USP15: variants seen among roughly 807,000 people sequenced by gnomAD.
USP15 encodes the protein ubiquitin specific peptidase 15, also known as ubiquitin carboxyl-terminal hydrolase 15.
In USP15, 18 loss-of-function variants were observed where a neutral mutation model predicts 127.1. The ratio of observed to expected loss-of-function variants is 0.14; its 90% CI spans 0.10 to 0.21. The LOEUF is 0.21. Among genes scored for constraint, USP15 ranks in the 10% least tolerant of loss-of-function variants. The probability of loss-of-function intolerance (pLI) is 1.00; values close to 1 mark genes in which losing one functional copy is unlikely to be tolerated. For missense variants in USP15, 805 were observed against 1,159.9 expected (o/e 0.69, Z 4.44); for synonymous variants, 364 against 393.7 (o/e 0.92, Z 0.89).
intron 20 of USP15, 77 bp downstream of exon 20, chr12:62,396,475 T>G: frequency 8.4e-7 from 1 of 1,190,430 alleles, no homozygotes; most frequent in Non-Finnish European, 1.2e-6. Flanking sequence ...AGATATTTAT[T>G]ACTTCTTAAG....
At chr12:62,403,751 C>T (rs530024088) in intron 21 of USP15, among the ~76,000 whole-genome samples, 1 of 152,054 alleles carries the variant, frequency 6.6e-6, no homozygotes, top group African/African-American at 2.4e-5. Context: ...ATTGAAGATA[C>T]ACAGTGATGA....
In USP15 at chr12:62,314,494, A is replaced by T. The variant is rs541493739; in HGVS notation, c.349-296A>T. On this transcript the variant is annotated intron_variant, in intron 3 of 21. Coordinates refer to ENST00000280377, the MANE Select transcript of USP15 (RefSeq NM_001252078.2). ...TCATTATAAATACTGAATATTAATTATTTATGGTGTACTAGTGTATCTTCA... is the reference window on the plus strand; with the variant it reads ...TCATTATAAATACTGAATATTAATTTTTTATGGTGTACTAGTGTATCTTCA... Among the ~76,000 whole-genome samples the T allele has an allele frequency of 2.0e-5, 3 of 152,038 alleles. No individual in the cohort carries two copies. In the East Asian group the frequency reaches 5.8e-4, roughly 29 times the overall value.
At chr12:62,280,117 G>C (rs1018793036) in intron 1 of USP15, among the ~76,000 whole-genome samples, 10 of 152,140 alleles carry the variant, frequency 6.6e-5, no homozygotes, top group Admixed American at 3.3e-4. Context: ...TGGCTCAAGA[G>C]TAAAACTCAA....
At chr12:62,396,674 CT>C (rs2067500981) in intron 20 of USP15, among the ~76,000 whole-genome samples, 1 of 152,004 alleles carries the variant, frequency 6.6e-6, no homozygotes, top group South Asian at 2.1e-4. Context: ...TTCCCCTTTG[CT>C]TTCTAACATG....
intron 1 of USP15, among the ~76,000 whole-genome samples, chr12:62,276,972 A>G (rs1056263093): frequency 1.3e-5 from 2 of 152,126 alleles, no homozygotes; most frequent in Admixed American, 1.3e-4. Flanking sequence ...TAAAATTTCC[A>G]TTGTTGACTG....
At chr12:62,391,730 T>G (rs2067330728) in intron 16 of USP15, 86 bp from the exon 17 acceptor site, 2 of 1,184,834 alleles carry the variant, frequency 1.7e-6, no homozygotes, top group South Asian at 3.3e-5. Flanking sequence ...GCTGTTTGTT[T>G]ATTCTGGTGT....
intron 11 of USP15, among the ~76,000 whole-genome samples, chr12:62,388,177 T>C (rs915307782): frequency 6.9e-6 from 1 of 144,484 alleles, no homozygotes; most frequent in Non-Finnish European, 1.5e-5. Flanking sequence ...GTCACCCAAG[T>C]TGGAGTACAT....
intron 7 of USP15, among the ~76,000 whole-genome samples, chr12:62,350,020 AT>A (rs776010074): frequency 2.7e-5 from 4 of 150,362 alleles, no homozygotes; most frequent in African/African-American, 7.3e-5. Flanking sequence ...TTATCCTTTT[AT>A]TTTTTTTTGA....
intron 1 of USP15, among the ~76,000 whole-genome samples, chr12:62,274,993 AG>A (rs1368407867): frequency 1.3e-5 from 2 of 152,124 alleles, no homozygotes; most frequent in Non-Finnish European, 2.9e-5. Context: ...TACTTTTCTG[AG>A]GATGAAGAGG....
intron 1 of USP15, among the ~76,000 whole-genome samples, chr12:62,291,630 A>G (rs2063971501): frequency 6.6e-6 from 1 of 152,172 alleles, no homozygotes; most frequent in Non-Finnish European, 1.5e-5. Context: ...ATCTGGAAAA[A>G]CACATTTCTC....
chr12:62,358,398 A>G (rs2066205345), intron 8 of USP15, among the ~76,000 whole-genome samples: 1 of 152,166 alleles, frequency 6.6e-6, no homozygotes, highest in South Asian at 2.1e-4. Flanking sequence ...TGGTACTGCC[A>G]TATAGCACAG....
chr12:62,283,208 A>G (rs1029737293), intron 1 of USP15, among the ~76,000 whole-genome samples: 1 of 152,226 alleles, frequency 6.6e-6, no homozygotes, highest in Admixed American at 6.5e-5. Flanking sequence ...AGTAAAAGCT[A>G]TTCCAGGTTT....
At chr12:62,297,084 G>A (rs1217320173) in intron 2 of USP15, among the ~76,000 whole-genome samples, 1 of 152,146 alleles carries the variant, frequency 6.6e-6, no homozygotes, top group Non-Finnish European at 1.5e-5. Context: ...GAGAGGAGTG[G>A]GGGCATCCTG....
chr12:62,289,332 G>A (rs2063882329), intron 1 of USP15, among the ~76,000 whole-genome samples: 1 of 151,982 alleles, frequency 6.6e-6, no homozygotes, highest in African/African-American at 2.4e-5. Context: ...GTACAATCTT[G>A]GGAGGTTGTA....
At chr12:62,296,503 A>T (rs969493115) in intron 2 of USP15, among the ~76,000 whole-genome samples, 1 of 152,202 alleles carries the variant, frequency 6.6e-6, no homozygotes, top group South Asian at 2.1e-4. Flanking sequence ...ATGGGATGGG[A>T]TAGTTCATCA....
At chr12:62,295,761 CACTT>C (rs2064112014) in intron 2 of USP15, among the ~76,000 whole-genome samples, 1 of 152,190 alleles carries the variant, frequency 6.6e-6, no homozygotes, top group African/African-American at 2.4e-5. Context: ...ACAAGAAACT[CACTT>C]TAAATGCAAG....
chr12:62,384,028 G>A (rs201968437), intron 10 of USP15, 30 bp downstream of exon 10: 1 of 1,610,202 alleles, frequency 6.2e-7, no homozygotes, highest in African/African-American at 1.3e-5. Flanking sequence ...TGTCACCATT[G>A]TTATAATTTT....
intron 18 of USP15, 47 bp downstream of exon 18, chr12:62,392,434 A>G (rs2067353987): frequency 7.4e-7 from 1 of 1,354,224 alleles, no homozygotes; most frequent in Non-Finnish European, 1.0e-6. Flanking sequence ...TTAAGGATTT[A>G]TTCTGAGATA....
intron 1 of USP15, among the ~76,000 whole-genome samples, chr12:62,273,599 G>C (rs1457329506): frequency 6.6e-6 from 1 of 152,022 alleles, no homozygotes; most frequent in African/African-American, 2.4e-5. Flanking sequence ...CAGGAGATAA[G>C]AATATATATA....
Sources: allele counts gnomAD v4.1 joint callset (sites outside exome capture counted in the v4.1 genomes callset), GRCh38; gene constraint gnomAD v4.1.1; transcripts MANE v1.5; gene names NCBI Gene and HGNC (gene_info 2026-07-23, HGNC 2026-07-21).